UGT2A2: variants seen among roughly 807,000 people sequenced by gnomAD.
UGT2A2 encodes the protein UDP-glucuronosyltransferase 2A2.
Under a neutral mutation model 50.7 loss-of-function variants are expected in UGT2A2, and 60 were observed. The observed-to-expected ratio is 1.18, with a 90% confidence interval of 0.96 to 1.47. UGT2A2 has a LOEUF of 1.47. UGT2A2 is among the 40% of genes most tolerant of loss of function. The pLI is 0.00. For synonymous variants in UGT2A2, 242 were observed against 214.6 expected (o/e 1.13, Z -1.11); for missense variants, 762 against 634.0 (o/e 1.20, Z -2.17).
intron 1 of UGT2A2, among the ~76,000 whole-genome samples, chr4:69,636,657 G>T (rs1008589555): frequency 6.6e-6 from 1 of 151,992 alleles, no homozygotes. Flanking sequence ...TTTATTTTTT[G>T]TAGATTTTTT....
chr4:69,590,899 T>A (rs1304777536), intron 5 of UGT2A2, among the ~76,000 whole-genome samples: 1 of 152,206 alleles, frequency 6.6e-6, no homozygotes, highest in African/African-American at 2.4e-5. Context: ...ATAATTAAAT[T>A]ACAATGGTCT....
chr4:69,634,757 G>C (rs1721583016), intron 1 of UGT2A2, among the ~76,000 whole-genome samples: 1 of 152,018 alleles, frequency 6.6e-6, no homozygotes, highest in Non-Finnish European at 1.5e-5. Flanking sequence ...AAGAAAAAGG[G>C]AGATTCCTCA....
chr4:69,599,379 A>G lies in UGT2A2; in HGVS notation c.758T>C (p.Leu253Ser). Residue 253 changes from leucine (L) to serine (S), a missense_variant, in exon 2 of 6, where the codon TTA (leucine) becomes TCA (serine). Transcript: ENST00000604629. ...YSKILGRPTT[L>S]CETMGKAEIW... ...TTCAGCTTTCCCCATAGTCTCACAT[A>G]ACGTAGTGGGTCTTCCTGGAGAAAA... is the stretch of plus-strand genomic sequence containing the variant. 6 of 1,613,648 alleles carry G rather than the reference A, an allele frequency of 3.7e-6. No individual in the cohort carries two copies. The highest frequency in any genetic ancestry group is 1.1e-5 in the South Asian group (1 of 91,014).
At chr4:69,617,701 AAT>A (rs1553905606) in intron 1 of UGT2A2, among the ~76,000 whole-genome samples, 1 of 151,808 alleles carries the variant, frequency 6.6e-6, no homozygotes, top group Non-Finnish European at 1.5e-5. Flanking sequence ...ATACTAAAAT[AAT>A]ATAAATTATT....
chr4:69,634,370 C>G (rs1467840308), intron 1 of UGT2A2, among the ~76,000 whole-genome samples: 1 of 151,966 alleles, frequency 6.6e-6, no homozygotes, highest in Non-Finnish European at 1.5e-5. Flanking sequence ...AACAGAAACT[C>G]CAAGTTTTCC....
chr4:69,606,044 A>C (rs1182465558), intron 1 of UGT2A2, among the ~76,000 whole-genome samples: 3 of 137,126 alleles, frequency 2.2e-5, no homozygotes, highest in Non-Finnish European at 4.7e-5. Flanking sequence ...AGCAATAGAA[A>C]AAGAGGGAAT....
intron 2 of UGT2A2, among the ~76,000 whole-genome samples, chr4:69,598,441 C>A (rs960919030): frequency 6.6e-6 from 1 of 152,034 alleles, no homozygotes; most frequent in Non-Finnish European, 1.5e-5. Flanking sequence ...TTCCACATTT[C>A]TTTTCTGAAG....
At chr4:69,616,833 C>CTTTTTTTTTT (rs4148315) in intron 1 of UGT2A2, among the ~76,000 whole-genome samples, 13 of 127,258 alleles carry the variant, frequency 1.0e-4, no homozygotes, top group Non-Finnish European at 1.6e-4. Flanking sequence ...ATTTTCTTTT[C>CTTTTTTTTTT]TTTTTTTTTT....
At chr4:69,608,451 G>A (rs6831951) in intron 1 of UGT2A2, among the ~76,000 whole-genome samples, 58,352 of 148,828 alleles carry the variant, frequency 0.39, 11,891 homozygotes, top group African/African-American at 0.47. Context: ...GGATAGCGTT[G>A]GGAAATATAC....
intron 1 of UGT2A2, among the ~76,000 whole-genome samples, chr4:69,603,810 G>C (rs531755389): frequency 1.5e-5 from 2 of 135,334 alleles, no homozygotes; most frequent in Admixed American, 7.3e-5. Flanking sequence ...TGGAAGAAAG[G>C]GTATCAGTGA....
chr4:69,628,725 G>T (rs992626950), intron 1 of UGT2A2, among the ~76,000 whole-genome samples: 2 of 146,616 alleles, frequency 1.4e-5, no homozygotes, highest in Non-Finnish European at 3.0e-5. Flanking sequence ...ATATATGAAT[G>T]ATCTAGAATG....
In UGT2A2 at chr4:69,637,908, AAGGCAGGCAGGC is replaced by A. The variant is rs140477220; in HGVS notation, c.742+979_742+990del. ...TAAAAAAGGAAGGAAGGCAAGAAGGAAGGCAGGCAGGCAGGCAGGCAGGAAGGAAGGAAGGAA... is the reference window on the plus strand; with the variant it reads ...TAAAAAAGGAAGGAAGGCAAGAAGGAAGGCAGGCAGGAAGGAAGGAAGGAA... On this transcript the variant is annotated intron_variant, in intron 1 of 5. Transcript: ENST00000604629. 6.3e-3 allele frequency among the ~76,000 whole-genome samples: 950 copies of A among 150,224 alleles called. 9 individuals carry two copies. Among genetic ancestry groups the A allele is most frequent in the African/African-American group, 0.022 (902 of 40,604 alleles).
intron 1 of UGT2A2, among the ~76,000 whole-genome samples, chr4:69,614,824 G>A (rs1330610874): frequency 6.6e-6 from 1 of 151,998 alleles, no homozygotes; most frequent in African/African-American, 2.4e-5. Context: ...AGAACTATCT[G>A]ACACTGTAGT....
chr4:69,637,568 TC>T (rs1721782037), intron 1 of UGT2A2, among the ~76,000 whole-genome samples: 2 of 152,120 alleles, frequency 1.3e-5, no homozygotes, highest in Admixed American at 1.3e-4. Flanking sequence ...TTCCCTCAGG[TC>T]TTTGGCCTGA....
rs1050369386 is a variant in UGT2A2 at position 69,588,823 on chromosome 4, T to A, written c.*549A>T. ...CATTTAATAGGGACGCACGTCACAC[T>A]TAAAATTCATTCTCTAACTCCTGAA... On this transcript the variant is annotated 3_prime_UTR_variant, in exon 6 of 6. Transcript: ENST00000604629. The A allele has an allele frequency of 2.0e-5, 3 of 152,170 alleles. No individual in the cohort carries two copies. The highest frequency in any genetic ancestry group is 7.2e-5 in the African/African-American group (3 of 41,440). The allele number at this position is 152,170 out of a possible 1,614,324, so 9.4% of individuals were successfully genotyped here. A position where few individuals can be genotyped will look rare whatever the true frequency, so the allele number is the denominator to read the frequency against.
At chr4:69,634,238 C>T (rs1053253038) in intron 1 of UGT2A2, among the ~76,000 whole-genome samples, 9 of 149,244 alleles carry the variant, frequency 6.0e-5, no homozygotes, top group Admixed American at 3.3e-4. Context: ...GAGCGAGACT[C>T]CATCTCAAAA....
intron 1 of UGT2A2, among the ~76,000 whole-genome samples, chr4:69,625,744 TA>T (rs1283363701): frequency 6.6e-6 from 1 of 151,478 alleles, no homozygotes; most frequent in Non-Finnish European, 1.5e-5. Context: ...GAGCAACTGC[TA>T]AAAAGTCTAA....
chr4:69,612,744 A>T (rs989878508), intron 1 of UGT2A2, among the ~76,000 whole-genome samples: 1 of 152,022 alleles, frequency 6.6e-6, no homozygotes, highest in Non-Finnish European at 1.5e-5. Flanking sequence ...TGGATCAAAG[A>T]TTTAAATGGA....
At chr4:69,626,566 A>G (rs1446802228) in intron 1 of UGT2A2, among the ~76,000 whole-genome samples, 1 of 151,678 alleles carries the variant, frequency 6.6e-6, no homozygotes, top group Admixed American at 6.6e-5. Context: ...TTATTCATCC[A>G]TCAAGCCTTA....
Sources: allele counts gnomAD v4.1 joint callset (sites outside exome capture counted in the v4.1 genomes callset), GRCh38; gene constraint gnomAD v4.1.1; transcripts MANE v1.5; gene names NCBI Gene and HGNC (gene_info 2026-07-23, HGNC 2026-07-21).